Variants in DTD1 observed in about 807,000 individuals in gnomAD.
The protein encoded by DTD1 is D-aminoacyl-tRNA deacylase 1.
DTD1 carries 13 observed loss-of-function variants against 25.6 expected under a neutral mutation model. That is an observed-to-expected ratio of 0.51 (90% CI 0.33 to 0.81). The LOEUF is 0.81. Among genes scored for constraint, DTD1 ranks in the 30% least tolerant of loss-of-function variants. DTD1 has a pLI of 0.02. For missense variants in DTD1, 193 were observed against 266.4 expected (o/e 0.72, Z 1.92); for synonymous variants, 110 against 103.6 (o/e 1.06, Z -0.37).
At chr20:18,685,835 G>C (rs1015866441) in intron 4 of DTD1, among the ~76,000 whole-genome samples, 4 of 152,202 alleles carry the variant, frequency 2.6e-5, no homozygotes, top group African/African-American at 9.6e-5. Flanking sequence ...TAGGAGAAGG[G>C]AGAAAGCCAG....
intron 4 of DTD1, among the ~76,000 whole-genome samples, chr20:18,633,113 A>C (rs1210604808): frequency 6.6e-6 from 1 of 151,980 alleles, no homozygotes; most frequent in African/African-American, 2.4e-5. Flanking sequence ...CCTCCTTAGA[A>C]CTCTTCAGTG....
At chr20:18,711,774 A>G (rs2061159530) in intron 4 of DTD1, among the ~76,000 whole-genome samples, 1 of 152,166 alleles carries the variant, frequency 6.6e-6, no homozygotes, top group African/African-American at 2.4e-5. Context: ...GGCCAGACAC[A>G]GTGGCTCATG....
chr20:18,714,840 T>G (rs1330375031), intron 4 of DTD1, among the ~76,000 whole-genome samples: 2 of 152,206 alleles, frequency 1.3e-5, no homozygotes, highest in Non-Finnish European at 2.9e-5. Flanking sequence ...TTTCAATAGG[T>G]GATACCTTCA....
intron 4 of DTD1, among the ~76,000 whole-genome samples, chr20:18,727,782 A>G (rs1304667772): frequency 6.6e-6 from 1 of 152,154 alleles, no homozygotes; most frequent in East Asian, 1.9e-4. Flanking sequence ...TCTTTCACAG[A>G]GCAGAGCATC....
intron 4 of DTD1, among the ~76,000 whole-genome samples, chr20:18,689,376 C>T (rs1193828123): frequency 6.6e-6 from 1 of 152,120 alleles, no homozygotes; most frequent in African/African-American, 2.4e-5. Flanking sequence ...TCTAGATTTT[C>T]ATAGAATCAC....
At chr20:18,590,882 C>T (rs1030252316) in intron 1 of DTD1, among the ~76,000 whole-genome samples, 1 of 152,166 alleles carries the variant, frequency 6.6e-6, no homozygotes, top group African/African-American at 2.4e-5. Flanking sequence ...GGCAATAACC[C>T]CCATGTCCCA....
intron 4 of DTD1, chr20:18,692,039 T>C (rs905635728): frequency 8.5e-5 from 13 of 152,090 alleles, no homozygotes; most frequent in Admixed American, 4.6e-4. Flanking sequence ...AAAAAAAAAT[T>C]AGCACCTTAC....
chr20:18,759,137 C>T (rs534709247), intron 5 of DTD1, among the ~76,000 whole-genome samples: 26 of 152,198 alleles, frequency 1.7e-4, no homozygotes, highest in Admixed American at 2.6e-4. Context: ...TGTCTCTGCA[C>T]GTGAGATGGG....
At chr20:18,742,512 C>T (rs2061282316) in intron 4 of DTD1, among the ~76,000 whole-genome samples, 1 of 152,112 alleles carries the variant, frequency 6.6e-6, no homozygotes, top group Admixed American at 6.5e-5. Context: ...GCCTTAGATT[C>T]TCATAGGAGC....
intron 4 of DTD1, chr20:18,631,408 C>T: frequency 3.0e-6 from 3 of 985,800 alleles, no homozygotes; most frequent in Non-Finnish European, 3.6e-6. Flanking sequence ...CCTTCCCTTC[C>T]ACCTCCTCAG....
At chr20:18,710,737 C>T (rs1039073671) in intron 4 of DTD1, among the ~76,000 whole-genome samples, 1 of 152,190 alleles carries the variant, frequency 6.6e-6, no homozygotes, top group Admixed American at 6.5e-5. Flanking sequence ...ATGCAGGTGG[C>T]TGACAGTGGC....
chr20:18,674,058 A>G (rs951066980), intron 4 of DTD1, among the ~76,000 whole-genome samples: 1 of 152,036 alleles, frequency 6.6e-6, no homozygotes, highest in African/African-American at 2.4e-5. Flanking sequence ...AAATTTCTGT[A>G]TTTCCCTGTG....
intron 4 of DTD1, chr20:18,630,979 T>G: frequency 1.2e-6 from 1 of 801,428 alleles, no homozygotes; most frequent in Non-Finnish European, 1.5e-6. Flanking sequence ...TTGTTACCTG[T>G]GATACCAGCC....
At chr20:18,729,168 G>A (rs939346460) in intron 4 of DTD1, among the ~76,000 whole-genome samples, 27 of 152,304 alleles carry the variant, frequency 1.8e-4, no homozygotes, top group African/African-American at 5.1e-4. Context: ...CACGTCTGGT[G>A]AGTTTTTGTA....
At chr20:18,626,701 T>A (rs778104069) in intron 3 of DTD1, among the ~76,000 whole-genome samples, 83 of 152,204 alleles carry the variant, frequency 5.5e-4, no homozygotes, top group Admixed American at 1.8e-3. Flanking sequence ...TCTTAAAACA[T>A]GTCTTTGGAT....
chr20:18,738,139 T>G (rs1042243528), intron 4 of DTD1, among the ~76,000 whole-genome samples: 1 of 152,190 alleles, frequency 6.6e-6, no homozygotes, highest in African/African-American at 2.4e-5. Context: ...AGAGTAGGTA[T>G]AGTCAGTGCC....
intron 4 of DTD1, among the ~76,000 whole-genome samples, chr20:18,658,394 C>T (rs1199183618): frequency 3.3e-5 from 5 of 151,658 alleles, no homozygotes; most frequent in African/African-American, 7.3e-5. Context: ...GGCGCCATCT[C>T]GGCTCACTGC....
At chr20:18,696,500 G>A (rs1286754731) in intron 4 of DTD1, among the ~76,000 whole-genome samples, 1 of 152,190 alleles carries the variant, frequency 6.6e-6, no homozygotes, top group African/African-American at 2.4e-5. Flanking sequence ...GACACACTGA[G>A]TCAGCAGAGT....
chr20:18,621,776 T>A (rs1048619651), intron 3 of DTD1, among the ~76,000 whole-genome samples: 11 of 151,978 alleles, frequency 7.2e-5, no homozygotes, highest in Non-Finnish European at 1.3e-4. Flanking sequence ...TTTAAAAAAA[T>A]TTTTTTGGCC....
Sources: allele counts gnomAD v4.1 joint callset (sites outside exome capture counted in the v4.1 genomes callset), GRCh38; gene constraint gnomAD v4.1.1; transcripts MANE v1.5; gene names NCBI Gene and HGNC (gene_info 2026-07-23, HGNC 2026-07-21).